The following ADCYAP1R1 variants were observed in gnomAD, a reference collection of about 807,000 sequenced individuals.
ADCYAP1R1 encodes ADCYAP receptor type I.
A neutral mutation model predicts 67.6 loss-of-function variants in ADCYAP1R1; 44 were observed. The ratio of observed to expected loss-of-function variants is 0.65; its 90% CI spans 0.51 to 0.84. The LOEUF is 0.84. ADCYAP1R1 is among the 40% of genes least tolerant of loss of function. The pLI, the probability that ADCYAP1R1 is intolerant of heterozygous loss-of-function variation, is 0.00. For synonymous variants in ADCYAP1R1, 222 were observed against 219.6 expected (o/e 1.01, Z -0.10); for missense variants, 477 against 587.9 (o/e 0.81, Z 1.95).
At position 31,111,297 on chromosome 7, in the gene ADCYAP1R1, C is replaced by T. The variant is rs1205873993; in HGVS notation, c.*4613C>T. On this transcript the variant is annotated 3_prime_UTR_variant, in exon 16 of 16. Coordinates refer to ENST00000304166, the MANE Select transcript of ADCYAP1R1 (RefSeq NM_001118.5). ...AGCCCCTGGCATCTCAGACATGGTT[C>T]CTGCCTCACTTGTGGGAGCTGGACC... The T allele has an allele frequency of 6.6e-6, 1 of 152,212 alleles. No homozygotes were observed. Among genetic ancestry groups the T allele is most frequent in the Non-Finnish European group, 1.5e-5 (1 of 68,054 alleles). 9.4% of individuals were successfully genotyped at this position (152,212 alleles called of 1,614,324 possible). A position where few individuals can be genotyped will look rare whatever the true frequency, so the allele number is the denominator to read the frequency against.
At position 31,084,960 on chromosome 7, in the gene ADCYAP1R1, C is replaced by T. The variant is rs1795675868; in HGVS notation, c.536+126C>T. ...ACCCCTTTGAAGGCATTTCTCCCAC[C>T]CCAAGGATAACAGATGGGAAACTTC... On this transcript the variant is annotated intron_variant, in intron 8 of 15. Transcript: ENST00000304166. 3 of 939,152 alleles carry T rather than the reference C, an allele frequency of 3.2e-6. No homozygotes were observed. The African/African-American group carries it at 4.8e-5, about 15-fold the overall frequency. 58.2% of individuals were successfully genotyped at this position (939,152 alleles called of 1,614,324 possible).
chr7:31,061,355 GTAGAA>G (rs1323002552), intron 1 of ADCYAP1R1, among the ~76,000 whole-genome samples: 1 of 152,244 alleles, frequency 6.6e-6, no homozygotes, highest in Non-Finnish European at 1.5e-5. Context: ...CCCAGGGCTG[GTAGAA>G]GTGACCAAGC....
At chr7:31,084,113 G>C in intron 6 of ADCYAP1R1, 28 bp from the exon 7 acceptor site, 1 of 1,596,062 alleles carries the variant, frequency 6.3e-7, no homozygotes. Context: ...TCATTTCTGG[G>C]CCTCGCTGAG....
rs563465801 is a variant in ADCYAP1R1 at position 31,086,116 on chromosome 7, G to A, written c.670-268G>A. ...TCTGTGGGAGATAGGGAAGGAGCAG[G>A]AAAGTGAAGGAGGATGAGCTGGTGG... On this transcript the variant is annotated intron_variant, in intron 9 of 15. Coordinates refer to ENST00000304166, the MANE Select transcript of ADCYAP1R1 (RefSeq NM_001118.5). The surrounding 1 kb of genome is among the most constrained non-coding windows in gnomAD (Gnocchi z 5.0). Among the ~76,000 whole-genome samples, 1 of 152,326 alleles carries A rather than the reference G, an allele frequency of 6.6e-6. No individual in the cohort carries two copies. The highest frequency in any genetic ancestry group is 2.1e-4 in the South Asian group (1 of 4,826).
In ADCYAP1R1 at chr7:31,087,663, G is replaced by GTCAC; in HGVS notation, c.921_922insTCAC (p.Val308SerfsTer14). Reference sequence around the variant, plus strand: ...TGAATGACAGCACAGCTCTGTGGTGGGTGATCAAAGGCCCTGTGGTTGGCT... The same window carrying GTCAC: ...TGAATGACAGCACAGCTCTGTGGTGGTCACGTGATCAAAGGCCCTGTGGTTGGCT... On this transcript the variant is annotated frameshift_variant, in exon 12 of 16. Coordinates refer to ENST00000304166, the MANE Select transcript of ADCYAP1R1 (RefSeq NM_001118.5). LOFTEE classifies it high-confidence loss of function. The GTCAC allele has an allele frequency of 6.2e-7, 1 of 1,614,006 alleles. No homozygotes were observed. Among genetic ancestry groups the GTCAC allele is most frequent in the Non-Finnish European group, 8.5e-7 (1 of 1,179,928 alleles).
rs1421206647 is a variant in ADCYAP1R1, at chr7:31,070,348, GT to G, written c.157+5413del. On this transcript the variant is annotated intron_variant, in intron 3 of 15. Transcript: ENST00000304166. ...CCTCCATGGGGGTCCCCACACTCTAGTGGAGGAGGAAGAGGAGGCCTGTGGT... is the reference window on the plus strand; with the variant it reads ...CCTCCATGGGGGTCCCCACACTCTAGGGAGGAGGAAGAGGAGGCCTGTGGT... Among the ~76,000 whole-genome samples, 3 of 152,244 alleles carry G rather than the reference GT, an allele frequency of 2.0e-5. No individual in the cohort carries two copies. In the East Asian group the frequency reaches 5.8e-4, roughly 29 times the overall value.
intron 15 of ADCYAP1R1, among the ~76,000 whole-genome samples, 164 bp downstream of exon 15, chr7:31,105,073 T>C (rs560038820): frequency 1.7e-4 from 26 of 152,282 alleles, no homozygotes; most frequent in African/African-American, 6.3e-4. Context: ...TGGCATTGTG[T>C]GGTGCCAGGA....
At position 31,100,288 on chromosome 7, in the gene ADCYAP1R1, G is replaced by C. The variant is rs370692474; in HGVS notation, c.1047-2949G>C. 2.0e-4 allele frequency: 276 copies of C among 1,386,172 alleles called. 5 individuals are homozygous for C. In the South Asian group the frequency reaches 3.2e-3, roughly 16 times the overall value. 85.9% of individuals were successfully genotyped at this position (1,386,172 alleles called of 1,614,324 possible). ...GCATGCTGCCACTGCCGCTGCTGGAGGAGAGTGGAGAGCCAGCCTCTGCCT... is the reference window on the plus strand; with the variant it reads ...GCATGCTGCCACTGCCGCTGCTGGACGAGAGTGGAGAGCCAGCCTCTGCCT... On this transcript the variant is annotated intron_variant, in intron 13 of 15. Transcript: ENST00000304166.
intron 13 of ADCYAP1R1, among the ~76,000 whole-genome samples, chr7:31,094,512 G>A (rs1027867513): frequency 2.0e-5 from 3 of 152,074 alleles, no homozygotes; most frequent in Non-Finnish European, 4.4e-5. Flanking sequence ...AGCTCTAGTG[G>A]TCTTGATTTC....
At chr7:31,068,087 C>T (rs997139487) in intron 3 of ADCYAP1R1, among the ~76,000 whole-genome samples, 17 of 152,126 alleles carry the variant, frequency 1.1e-4, no homozygotes, top group Non-Finnish European at 1.9e-4. Flanking sequence ...TGGAGAGAAG[C>T]GTTCCGCTGG....
chr7:31,073,484 G>A (rs760634122), intron 3 of ADCYAP1R1, among the ~76,000 whole-genome samples: 2 of 152,172 alleles, frequency 1.3e-5, no homozygotes, highest in African/African-American at 4.8e-5. Flanking sequence ...GAAGCTGGAC[G>A]TACTGTGTGT....
rs142752696 is a variant in ADCYAP1R1 at position 31,105,437 on chromosome 7, G to C, written c.1218+528G>C. Among the ~76,000 whole-genome samples, 1,059 of 152,314 alleles carry C rather than the reference G, an allele frequency of 7.0e-3. 17 individuals carry two copies. The highest frequency in any genetic ancestry group is 0.023 in the African/African-American group (974 of 41,566). ...TGGAAGAGACCCCAGGGAGAGACCTGGAACCTTCTATTAATACTCCATTGC... is the reference window on the plus strand; with the variant it reads ...TGGAAGAGACCCCAGGGAGAGACCTCGAACCTTCTATTAATACTCCATTGC... On this transcript the variant is annotated intron_variant, in intron 15 of 15. Coordinates refer to ENST00000304166, the MANE Select transcript of ADCYAP1R1 (RefSeq NM_001118.5).
rs997243943 is a variant in ADCYAP1R1, at chr7:31,052,410, G to C, written c.-340G>C. The C allele has an allele frequency of 1.3e-5, 2 of 151,480 alleles. No individual in the cohort carries two copies. The highest frequency in any genetic ancestry group is 2.9e-5 in the Non-Finnish European group (2 of 67,814). 9.4% of individuals were successfully genotyped at this position (151,480 alleles called of 1,614,324 possible). A position where few individuals can be genotyped will look rare whatever the true frequency, so the allele number is the denominator to read the frequency against. ...GCGCCGCGCGGGGCGGGCAAAGGGG[G>C]CGCTGCGCTCGGCCCCGGGCAGGGA... On this transcript the variant is annotated 5_prime_UTR_variant, in exon 1 of 16. Transcript: ENST00000304166.
intron 15 of ADCYAP1R1, 56 bp from the exon 16 acceptor site, chr7:31,106,440 C>T (rs1049177752): frequency 1.3e-6 from 2 of 1,555,504 alleles, no homozygotes; most frequent in African/African-American, 2.7e-5. Context: ...AGGACAGGGC[C>T]TGGAGGCTGC....
Position 31,103,237 on chromosome 7 carries a change from G to A in ADCYAP1R1, c.1047G>A (p.Leu349=). 1 of 1,613,920 alleles carries A rather than the reference G, an allele frequency of 6.2e-7. No homozygotes were observed. The highest frequency in any genetic ancestry group is 1.7e-5 in the Admixed American group (1 of 60,002). The change falls in exon 14 of 16, where the codon TTG becomes TTA. Residue 349 remains leucine (L), a splice_region_variant and synonymous_variant. Coordinates refer to ENST00000304166, the MANE Select transcript of ADCYAP1R1 (RefSeq NM_001118.5). ...CAGATGTTTTGCTTTCCTCCGACAG[G>A]CGACTGGCCCGGTCCACCCTGCTGC... is the stretch of plus-strand genomic sequence containing the variant. ...DMGGNESSIY[L]RLARSTLLLI... is the part of the protein sequence containing the mutation.
At chr7:31,104,762 A>C (rs1439336785) in intron 14 of ADCYAP1R1, 106 bp from the exon 15 acceptor site, 19 of 1,285,636 alleles carry the variant, frequency 1.5e-5, no homozygotes, top group Admixed American at 3.4e-5. Context: ...GCCCCCATCC[A>C]GGTCATGGTG....
chr7:31,084,912 C>T, intron 8 of ADCYAP1R1, 78 bp downstream of exon 8: 6 of 1,313,996 alleles, frequency 4.6e-6, no homozygotes, highest in Non-Finnish European at 5.5e-6. Flanking sequence ...TCTCCCCTCC[C>T]CCCTTGATGT....
chr7:31,057,338 A>C (rs60587936), intron 1 of ADCYAP1R1, among the ~76,000 whole-genome samples: 73,522 of 151,974 alleles, frequency 0.48, 18,484 homozygotes, highest in African/African-American at 0.6. Flanking sequence ...ATGGAAGAGA[A>C]CTCCTCACAG....
Position 31,086,394 on chromosome 7 carries a change from A to G in ADCYAP1R1, c.680A>G (p.Lys227Arg), listed in dbSNP as rs1356224603. 6 of 1,614,010 alleles carry G rather than the reference A, an allele frequency of 3.7e-6. No individual in the cohort carries two copies. Among genetic ancestry groups the G allele is most frequent in the Non-Finnish European group, 5.1e-6 (6 of 1,180,006 alleles). ...NHCFISTVEC[K>R]AVMVFFHYCV... ...CGCTTCTCCCTGCAGGTGGAATGTAAGGCCGTCATGGTTTTCTTCCACTAC... is the reference window on the plus strand; with the variant it reads ...CGCTTCTCCCTGCAGGTGGAATGTAGGGCCGTCATGGTTTTCTTCCACTAC... Residue 227 changes from lysine (K) to arginine (R), a missense_variant, in exon 10 of 16, where the codon AAG (lysine) becomes AGG (arginine). Transcript: ENST00000304166. This position sits in a 1 kb window ranked among gnomAD's most constrained non-coding sequence, Gnocchi z 5.0.
Sources: allele counts gnomAD v4.1 joint callset (sites outside exome capture counted in the v4.1 genomes callset), GRCh38; gene constraint gnomAD v4.1.1; non-coding constraint Gnocchi (gnomAD v3.1); transcripts MANE v1.5; gene names NCBI Gene and HGNC (gene_info 2026-07-23, HGNC 2026-07-21).